Variants in ADAMTSL1 observed in about 807,000 individuals in gnomAD.
ADAMTSL1 encodes ADAMTS-like protein 1.
A neutral mutation model predicts 201.8 loss-of-function variants in ADAMTSL1; 126 were observed. The observed-to-expected ratio is 0.62, with a 90% CI of 0.54 to 0.72. The LOEUF (loss-of-function observed/expected upper bound fraction) is 0.72, where lower values mean the gene tolerates loss of function less well. Ranked by LOEUF, ADAMTSL1 falls within the 30% of genes least tolerant of loss-of-function variation. The pLI, the probability that ADAMTSL1 is intolerant of heterozygous loss-of-function variation, is 0.00. For synonymous variants in ADAMTSL1, 1,121 were observed against 903.4 expected (o/e 1.24, Z -4.32); for missense variants, 2,679 against 2,277.8 (o/e 1.18, Z -3.59).
intron 1 of ADAMTSL1, among the ~76,000 whole-genome samples, chr9:18,020,334 C>A (rs1820429235): frequency 6.6e-6 from 1 of 152,048 alleles, no homozygotes; most frequent in South Asian, 2.1e-4. Flanking sequence ...GATGTTACTA[C>A]CAAACTTAGG....
chr9:18,328,544 G>A lies in ADAMTSL1; in HGVS notation c.207+164563G>A, dbSNP rs569147998. ...TTAGAGATGAGGAAATTGAGGCATG[G>A]AGAACTGAAGAAACATACCCAGAAG... is the stretch of plus-strand genomic sequence containing the variant. On this transcript the variant is annotated intron_variant, in intron 2 of 29. Transcript: ENST00000680146. Among the ~76,000 whole-genome samples the A allele has an allele frequency of 6.6e-5, 10 of 152,304 alleles. No individual in the cohort carries two copies. The South Asian group carries it at 1.7e-3, about 25-fold the overall frequency.
At chr9:18,611,176 AT>A (rs2132605360) in intron 4 of ADAMTSL1, among the ~76,000 whole-genome samples, 1 of 152,312 alleles carries the variant, frequency 6.6e-6, no homozygotes, top group East Asian at 1.9e-4. Context: ...GTATACCATG[AT>A]GTCACCACAA....
intron 1 of ADAMTSL1, among the ~76,000 whole-genome samples, chr9:18,085,709 CTG>C (rs1268962275): frequency 1.3e-5 from 2 of 148,812 alleles, no homozygotes; most frequent in South Asian, 2.1e-4. Context: ...TATATATATA[CTG>C]TGTGTGTATA....
chr9:18,752,826 T>G (rs1036050817), intron 15 of ADAMTSL1, among the ~76,000 whole-genome samples: 2 of 152,220 alleles, frequency 1.3e-5, no homozygotes, highest in African/African-American at 4.8e-5. Context: ...TAAAGGAAGC[T>G]GGAGCCAATG....
At chr9:18,354,860 A>G (rs898708795) in intron 2 of ADAMTSL1, among the ~76,000 whole-genome samples, 10 of 152,140 alleles carry the variant, frequency 6.6e-5, no homozygotes, top group African/African-American at 1.7e-4. Flanking sequence ...AGTCCCAGGT[A>G]CTTGGGAAGC....
At chr9:18,811,796 T>C (rs1474246097) in intron 20 of ADAMTSL1, among the ~76,000 whole-genome samples, 1 of 152,134 alleles carries the variant, frequency 6.6e-6, no homozygotes, top group Non-Finnish European at 1.5e-5. Flanking sequence ...GCATAGAGAC[T>C]GGAAACAAAG....
At position 18,906,737 on chromosome 9, in the gene ADAMTSL1, C is replaced by T; in HGVS notation, c.5007C>T (p.His1669=). 1 of 1,612,960 alleles carries T rather than the reference C, an allele frequency of 6.2e-7. No homozygotes were observed. The highest frequency in any genetic ancestry group is 1.7e-5 in the Admixed American group (1 of 59,844). The change falls in exon 28 of 29, where the codon CAC becomes CAT. Residue 1669 remains histidine, a synonymous_variant. Transcript: ENST00000380548. ...QNCWSEACSV[H]WRVSLWTLCT... ...GCTGGTCAGAGGCCTGCAGTGTACACTGGAGAGTCAGCCTGTGGACCCTGT... is the reference window on the plus strand; with the variant it reads ...GCTGGTCAGAGGCCTGCAGTGTACATTGGAGAGTCAGCCTGTGGACCCTGT...
intron 2 of ADAMTSL1, among the ~76,000 whole-genome samples, chr9:18,524,582 A>T (rs1818913397): frequency 6.6e-6 from 1 of 152,190 alleles, no homozygotes. Context: ...TGGGTTTGTC[A>T]TAAATAACTC....
chr9:18,171,520 T>C (rs1443878714), intron 2 of ADAMTSL1, among the ~76,000 whole-genome samples: 15 of 152,074 alleles, frequency 9.9e-5, no homozygotes, highest in Non-Finnish European at 5.9e-5. Context: ...TTCTTTGCAA[T>C]GTACATAACT....
At chr9:18,204,722 C>G (rs1301188733) in intron 2 of ADAMTSL1, among the ~76,000 whole-genome samples, 1 of 151,938 alleles carries the variant, frequency 6.6e-6, no homozygotes, top group Non-Finnish European at 1.5e-5. Flanking sequence ...TGAGTTTAAC[C>G]AGAAATTTAC....
chr9:18,818,933 C>T (rs1824030848), intron 21 of ADAMTSL1, among the ~76,000 whole-genome samples: 1 of 152,176 alleles, frequency 6.6e-6, no homozygotes, highest in Non-Finnish European at 1.5e-5. Flanking sequence ...CCTTCAGCCC[C>T]TGTACTCCTA....
chr9:17,988,990 G>C (rs755346411), intron 1 of ADAMTSL1, among the ~76,000 whole-genome samples: 2 of 151,546 alleles, frequency 1.3e-5, no homozygotes, highest in Non-Finnish European at 2.9e-5. Flanking sequence ...TGTCAGGTAG[G>C]GTTTTCACAT....
rs1829938616 is a variant in ADAMTSL1 at position 18,673,293 on chromosome 9, AG to A, written c.1086-2563del. ...ACTTCAGGCAAGCTTGCTTTCTCCC[AG>A]CAACAGTGTAGTGAAAGGCTAGGGC... is the stretch of plus-strand genomic sequence containing the variant. On this transcript the variant is annotated intron_variant, in intron 9 of 28. Coordinates refer to ENST00000380548, the MANE Select transcript of ADAMTSL1 (RefSeq NM_001040272.6). Among the ~76,000 whole-genome samples the A allele has an allele frequency of 2.0e-5, 3 of 152,160 alleles. No individual in the cohort carries two copies. In the South Asian group the frequency reaches 6.2e-4, roughly 32 times the overall value.
chr9:18,314,962 A>C (rs1834315721), intron 2 of ADAMTSL1, among the ~76,000 whole-genome samples: 1 of 150,346 alleles, frequency 6.7e-6, no homozygotes, highest in African/African-American at 2.4e-5. Context: ...ACGCCCGGCT[A>C]ATTTTTTGTA....
chr9:18,826,245 T>C, intron 21 of ADAMTSL1, 39 bp from the exon 22 acceptor site: 1 of 1,552,674 alleles, frequency 6.4e-7, no homozygotes, highest in Non-Finnish European at 8.7e-7. Context: ...TGTGTTTGAC[T>C]GATGAGTGGG....
At chr9:18,032,185 A>T (rs567316274) in intron 1 of ADAMTSL1, among the ~76,000 whole-genome samples, 7 of 152,108 alleles carry the variant, frequency 4.6e-5, no homozygotes, top group Admixed American at 6.5e-5. Flanking sequence ...CCAGTCTTGC[A>T]AAGGGAGGGA....
chr9:17,954,114 A>G (rs761932720), intron 1 of ADAMTSL1, among the ~76,000 whole-genome samples: 2 of 152,188 alleles, frequency 1.3e-5, no homozygotes, highest in African/African-American at 2.4e-5. Context: ...TAATCTGTCT[A>G]TCACCTCATG....
Position 18,684,338 on chromosome 9 carries a change from A to T in ADAMTSL1, c.1490-378A>T, listed in dbSNP as rs139155446. The stretch of plus-strand genomic sequence containing the variant: ...TTAGAATTTATGAAAATATCACAAT[A>T]TAATTGACTGTACTTTGTTTTCCAA... On this transcript the variant is annotated intron_variant, in intron 12 of 28. Coordinates refer to ENST00000380548, the MANE Select transcript of ADAMTSL1 (RefSeq NM_001040272.6). Among the ~76,000 whole-genome samples, 896 of 152,360 alleles carry T rather than the reference A, an allele frequency of 5.9e-3. 5 individuals carry two copies. Among genetic ancestry groups the T allele is most frequent in the Middle Eastern group, 0.01 (3 of 294 alleles).
intron 2 of ADAMTSL1, among the ~76,000 whole-genome samples, chr9:18,453,540 C>T (rs1820493366): frequency 6.6e-6 from 1 of 152,012 alleles, no homozygotes; most frequent in Non-Finnish European, 1.5e-5. Flanking sequence ...TTTAGTTTTG[C>T]TTCTCTTTTA....
Sources: allele counts gnomAD v4.1 joint callset (sites outside exome capture counted in the v4.1 genomes callset), GRCh38; gene constraint gnomAD v4.1.1; transcripts MANE v1.5; gene names NCBI Gene and HGNC (gene_info 2026-07-23, HGNC 2026-07-21).